The following ZNF385D variants were observed in gnomAD, a reference collection of about 807,000 sequenced individuals.
ZNF385D encodes zinc finger protein 659.
A neutral mutation model predicts 35.8 loss-of-function variants in ZNF385D; 15 were observed. The ratio of observed to expected loss-of-function variants is 0.42; its 90% CI spans 0.28 to 0.64. The LOEUF is 0.64. Ranked by LOEUF, ZNF385D falls within the 30% of genes least tolerant of loss-of-function variation. ZNF385D has a pLI of 0.23. For synonymous variants in ZNF385D, 212 were observed against 186.8 expected, an observed-to-expected ratio of 1.13 and a Z score of -1.10; for missense variants, 474 against 494.6, an observed-to-expected ratio of 0.96 and a Z score of 0.39.
intron 2 of ZNF385D, among the ~76,000 whole-genome samples, chr3:22,267,092 A>C (rs1700933106): frequency 6.6e-6 from 1 of 151,986 alleles, no homozygotes; most frequent in Non-Finnish European, 1.5e-5. Flanking sequence ...AAATTTACCT[A>C]ATCAATTGCT....
At chr3:21,844,551 T>C (rs1027394540) in intron 3 of ZNF385D, among the ~76,000 whole-genome samples, 2 of 151,930 alleles carry the variant, frequency 1.3e-5, no homozygotes, top group South Asian at 2.1e-4. Context: ...AAAAATCAAA[T>C]AGGAAAGCCT....
chr3:21,672,467 G>T (rs1177120922), intron 1 of ZNF385D, among the ~76,000 whole-genome samples: 1 of 152,064 alleles, frequency 6.6e-6, no homozygotes, highest in Non-Finnish European at 1.5e-5. Flanking sequence ...GATGGTGACT[G>T]CTGTCTCATA....
chr3:22,290,935 C>T (rs951117652), intron 2 of ZNF385D, among the ~76,000 whole-genome samples: 1 of 152,028 alleles, frequency 6.6e-6, no homozygotes, highest in Non-Finnish European at 1.5e-5. Context: ...TTTTTGTGTG[C>T]TTTTCCTTGT....
intron 3 of ZNF385D, among the ~76,000 whole-genome samples, chr3:21,790,535 A>C (rs1469121998): frequency 6.6e-6 from 1 of 152,200 alleles, no homozygotes; most frequent in East Asian, 1.9e-4. Context: ...AAAAAAATAA[A>C]GAGAAGAAAA....
At chr3:22,198,757 T>G (rs1278898495) in intron 2 of ZNF385D, among the ~76,000 whole-genome samples, 1 of 152,082 alleles carries the variant, frequency 6.6e-6, no homozygotes, top group Non-Finnish European at 1.5e-5. Flanking sequence ...ATTAAACAAC[T>G]GAGTAAACAA....
chr3:21,770,540 T>C (rs1001508814), intron 3 of ZNF385D, among the ~76,000 whole-genome samples: 2 of 152,070 alleles, frequency 1.3e-5, no homozygotes, highest in African/African-American at 4.8e-5. Flanking sequence ...CACAATGAGA[T>C]ACCATCTCAC....
intron 2 of ZNF385D, among the ~76,000 whole-genome samples, chr3:22,248,501 C>T (rs1699904719): frequency 6.6e-6 from 1 of 152,098 alleles, no homozygotes; most frequent in African/African-American, 2.4e-5. Flanking sequence ...TATTTATATA[C>T]AATTTAGACA....
At chr3:21,489,432 TC>T (rs1705256548) in intron 4 of ZNF385D, among the ~76,000 whole-genome samples, 1 of 152,120 alleles carries the variant, frequency 6.6e-6, no homozygotes, top group South Asian at 2.1e-4. Context: ...GGCTCTCGTA[TC>T]AGGTGCATGC....
At chr3:21,686,984 G>T (rs546866930) in intron 1 of ZNF385D, among the ~76,000 whole-genome samples, 4 of 152,096 alleles carry the variant, frequency 2.6e-5, no homozygotes, top group Non-Finnish European at 5.9e-5. Flanking sequence ...AACTTGTCTT[G>T]ACCAGTGGAA....
intron 3 of ZNF385D, among the ~76,000 whole-genome samples, chr3:21,977,052 G>T (rs1341952130): frequency 1.3e-5 from 2 of 152,038 alleles, no homozygotes; most frequent in Non-Finnish European, 2.9e-5. Context: ...ATCAAACATG[G>T]TATTGTACAA....
chr3:21,720,429 C>T (rs1027776174), intron 1 of ZNF385D, among the ~76,000 whole-genome samples: 3 of 152,176 alleles, frequency 2.0e-5, no homozygotes, highest in Non-Finnish European at 2.9e-5. Flanking sequence ...TGGTACACAT[C>T]TGTACTCCCA....
intron 3 of ZNF385D, among the ~76,000 whole-genome samples, chr3:22,026,776 T>C (rs998307487): frequency 2.0e-5 from 3 of 152,144 alleles, no homozygotes; most frequent in Non-Finnish European, 4.4e-5. Flanking sequence ...ATTGCATCCC[T>C]GGAGGGATTG....
chr3:22,056,746 C>T (rs1239273562), intron 3 of ZNF385D, among the ~76,000 whole-genome samples: 1 of 152,180 alleles, frequency 6.6e-6, no homozygotes, highest in East Asian at 1.9e-4. Context: ...GCCATTTATT[C>T]TCATGCTTAC....
At chr3:21,633,333 T>C (rs950375607) in intron 2 of ZNF385D, among the ~76,000 whole-genome samples, 5 of 152,046 alleles carry the variant, frequency 3.3e-5, no homozygotes, top group Non-Finnish European at 5.9e-5. Flanking sequence ...GATGAAACTT[T>C]AAATTGGAGT....
At chr3:22,116,061 T>C (rs1030931408) in intron 3 of ZNF385D, among the ~76,000 whole-genome samples, 2 of 152,036 alleles carry the variant, frequency 1.3e-5, no homozygotes, top group Non-Finnish European at 2.9e-5. Context: ...TATAAAAAGT[T>C]CAAGCTTTGG....
intron 3 of ZNF385D, among the ~76,000 whole-genome samples, chr3:21,919,800 C>G (rs1025632971): frequency 1.3e-5 from 2 of 152,226 alleles, no homozygotes; most frequent in Non-Finnish European, 2.9e-5. Flanking sequence ...TTTCTAGCAT[C>G]TTCCATTTTG....
chr3:22,127,635 T>C (rs1467230280), intron 3 of ZNF385D, among the ~76,000 whole-genome samples: 21 of 152,010 alleles, frequency 1.4e-4, no homozygotes, highest in Admixed American at 4.6e-4. Context: ...CCACCGTGCC[T>C]GGCCCTAAAT....
At position 21,826,731 on chromosome 3, in the gene ZNF385D, A is replaced by G. The variant is rs59611699; in HGVS notation, c.326-161703T>C. 7.8e-3 allele frequency among the ~76,000 whole-genome samples: 1,185 copies of G among 152,118 alleles called. 11 individuals are homozygous for G. Among genetic ancestry groups the G allele is most frequent in the African/African-American group, 0.026 (1,086 of 41,466 alleles). ...TTGGAGTCTTCCTGCAGTAATGAAC[A>G]TTAAATGACAGCAGAAGGAAAGCTA... On this transcript the variant is annotated intron_variant, in intron 3 of 5. Transcript: ENST00000494108.
chr3:22,337,979 A>G (rs772796935), intron 2 of ZNF385D, among the ~76,000 whole-genome samples: 6 of 152,228 alleles, frequency 3.9e-5, no homozygotes, highest in Non-Finnish European at 7.3e-5. Context: ...GACAAATTCT[A>G]CATATGGGGT....
Sources: allele counts gnomAD v4.1 joint callset (sites outside exome capture counted in the v4.1 genomes callset), GRCh38; gene constraint gnomAD v4.1.1; transcripts MANE v1.5; gene names NCBI Gene and HGNC (gene_info 2026-07-23, HGNC 2026-07-21).